The following TRPM1 variants were observed in gnomAD, a reference collection of about 807,000 sequenced individuals.
The protein encoded by TRPM1 is TRPM1-203 APA Isoform, Intron 10.
Under a neutral mutation model 149.4 loss-of-function variants are expected in TRPM1, and 113 were observed. The ratio of observed to expected loss-of-function variants is 0.76; its 90% confidence interval spans 0.65 to 0.88. The LOEUF is 0.88. Among genes scored for constraint, TRPM1 ranks in the 40% least tolerant of loss-of-function variants. TRPM1 has a pLI of 0.00. For synonymous variants in TRPM1, 741 were observed against 759.5 expected (o/e 0.98, Z 0.40); for missense variants, 1,976 against 2,038.7 (o/e 0.97, Z 0.59).
At chr15:31,050,318 C>G (rs938275826) in intron 12 of TRPM1, 91 bp downstream of exon 12, 2 of 1,587,790 alleles carry the variant, frequency 1.3e-6, no homozygotes, top group Non-Finnish European at 1.7e-6. Flanking sequence ...GGGATCAGGG[C>G]CCTGGGTGGG....
At chr15:31,087,856 G>C (rs931039812) in intron 1 of TRPM1, among the ~76,000 whole-genome samples, 1 of 152,218 alleles carries the variant, frequency 6.6e-6, no homozygotes, top group Non-Finnish European at 1.5e-5. Context: ...GAGCTGGTGG[G>C]AGGGAGGAAT....
intron 1 of TRPM1, among the ~76,000 whole-genome samples, chr15:31,090,280 C>T (rs565669875): frequency 1.3e-5 from 2 of 152,210 alleles, no homozygotes; most frequent in East Asian, 1.9e-4. Context: ...TGGTGTTCTC[C>T]GGTGTGGCTG....
intron 27 of TRPM1, among the ~76,000 whole-genome samples, chr15:31,022,196 G>A (rs1039608203): frequency 2.0e-5 from 3 of 152,208 alleles, no homozygotes; most frequent in Non-Finnish European, 4.4e-5. Flanking sequence ...GAACCACAAA[G>A]AGAACAGTGT....
chr15:31,153,626 AT>A (rs2036331427), intron 1 of TRPM1, among the ~76,000 whole-genome samples: 22 of 152,082 alleles, frequency 1.4e-4, no homozygotes, highest in Admixed American at 1.4e-3. Flanking sequence ...GTCTGGCCAG[AT>A]TCCAGGTCTT....
At chr15:31,087,305 T>C (rs375387308) in intron 1 of TRPM1, among the ~76,000 whole-genome samples, 4 of 129,530 alleles carry the variant, frequency 3.1e-5, no homozygotes, top group Non-Finnish European at 6.2e-5. Context: ...AGTGCAGTGG[T>C]GCAATCTTGG....
At position 31,027,632 on chromosome 15, in the gene TRPM1, G is replaced by A. The variant is rs192073110; in HGVS notation, c.3294-515C>T. ...TGATTTCATTGTCTACCAATACTGG[G>A]ACCTTAGGAAAACCAGTTACCTTCC... On this transcript the variant is annotated intron_variant, in intron 25 of 27. Transcript: ENST00000256552. Among the ~76,000 whole-genome samples, 3 of 152,244 alleles carry A rather than the reference G, an allele frequency of 2.0e-5. No homozygotes were observed. The East Asian group carries it at 5.8e-4, about 29-fold the overall frequency.
At chr15:31,018,356 A>T (rs2032444084) in intron 27 of TRPM1, among the ~76,000 whole-genome samples, 1 of 146,750 alleles carries the variant, frequency 6.8e-6, no homozygotes, top group African/African-American at 2.5e-5. Flanking sequence ...TGGCCTTTTA[A>T]ATTTTAAATT....
chr15:31,070,450 G>T (rs1312801556), intron 3 of TRPM1: 1 of 703,248 alleles, frequency 1.4e-6, no homozygotes, highest in South Asian at 1.5e-5. Context: ...CACATTGGAT[G>T]GTTGCTCTTT....
rs570704543 is a variant in TRPM1, at chr15:31,076,888, C to T, written c.83+17G>A. On this transcript the variant is annotated intron_variant, in intron 3 of 27. Coordinates refer to ENST00000256552, the MANE Select transcript of TRPM1 (RefSeq NM_001252024.2). Reference sequence around the variant, plus strand: ...GCACTGGTTTGGATAATGTCTTAATCGTGGATTTCAATTTACCTGTTAGAG... The same window carrying T: ...GCACTGGTTTGGATAATGTCTTAATTGTGGATTTCAATTTACCTGTTAGAG... 9.0e-6 allele frequency: 14 copies of T among 1,552,020 alleles called. No homozygotes were observed. The highest frequency in any genetic ancestry group is 4.5e-5 in the East Asian group (2 of 44,494).
At chr15:31,056,617 T>C (rs2034094082) in intron 11 of TRPM1, among the ~76,000 whole-genome samples, 1 of 152,218 alleles carries the variant, frequency 6.6e-6, no homozygotes, top group Non-Finnish European at 1.5e-5. Flanking sequence ...GAATCCCCAG[T>C]GCAACAGTGC....
Position 31,161,127 on chromosome 15 carries a change from CGAGGCCGGCCG to C in TRPM1, c.-179_-169del, listed in dbSNP as rs2036441348. On this transcript the variant is annotated 5_prime_UTR_variant, in exon 1 of 27. Transcript: ENST00000542188. Reference sequence around the variant, plus strand: ...GGGCGAGGGGGCCGAGATCCTGGGGCGAGGCCGGCCGGAGGCTGGTTCAGCCTAGGAGGAGC... The same window carrying C: ...GGGCGAGGGGGCCGAGATCCTGGGGCGAGGCTGGTTCAGCCTAGGAGGAGC... 10 of 652,908 alleles carry C rather than the reference CGAGGCCGGCCG, an allele frequency of 1.5e-5. No individual in the cohort carries two copies. The South Asian group carries it at 1.9e-4, about 13-fold the overall frequency. The allele number at this position is 652,908 out of a possible 1,614,324, so 40.4% of individuals were successfully genotyped here. A position where few individuals can be genotyped will look rare whatever the true frequency, so the allele number is the denominator to read the frequency against.
chr15:31,144,767 G>A (rs1442280370), intron 1 of TRPM1, among the ~76,000 whole-genome samples: 1 of 147,458 alleles, frequency 6.8e-6, no homozygotes, highest in Non-Finnish European at 1.5e-5. Context: ...CCAGGCTGGA[G>A]TGCAGTGGCA....
At chr15:31,113,391 G>A (rs1227183719) in intron 1 of TRPM1, among the ~76,000 whole-genome samples, 3 of 151,732 alleles carry the variant, frequency 2.0e-5, no homozygotes, top group South Asian at 2.1e-4. Flanking sequence ...GTTCTCCAAA[G>A]GGTCACCTAT....
chr15:31,002,196 A>G lies in TRPM1; in HGVS notation c.4504T>C (p.Ser1502Pro). Residue 1502 changes from serine to proline, a missense_variant, in exon 28 of 28, where the codon TCT becomes CCT. By Grantham distance (74) the Ser-to-Pro change is moderately conservative. This residue lies in a region of TRPM1 where 572 missense variants were observed against 578.9 expected (regional missense o/e 0.99). Coordinates refer to ENST00000256552, the MANE Select transcript of TRPM1 (RefSeq NM_001252024.2). Reference sequence around the variant, plus strand: ...ATGTAAGGAATATCTGTGCTATGAGAGCGCGTGATCTTTTGAACTTGGCAT... The same window carrying G: ...ATGTAAGGAATATCTGTGCTATGAGGGCGCGTGATCTTTTGAACTTGGCAT... ...WQCQVQKITR[S>P]HSTDIPYIVS... 1 of 1,614,214 alleles carries G rather than the reference A, an allele frequency of 6.2e-7. No homozygotes were observed. Among genetic ancestry groups the G allele is most frequent in the Non-Finnish European group, 8.5e-7 (1 of 1,180,044 alleles).
intron 1 of TRPM1, among the ~76,000 whole-genome samples, chr15:31,125,728 T>TG (rs2035941264): frequency 8.5e-5 from 1 of 11,744 alleles, no homozygotes; most frequent in African/African-American, 4.3e-4. Flanking sequence ...AGACTCCGTC[T>TG]CAAAAAAAAA....
At position 31,026,955 on chromosome 15, in the gene TRPM1, T is replaced by C; in HGVS notation, c.3456A>G (p.Lys1152=). 6.2e-7 allele frequency: 1 copy of C among 1,614,172 alleles called. No homozygotes were observed. Reference sequence around the variant, plus strand: ...GTTCCTCTTGGTCCCCTTCTCTCTTTTTCCTGCAGCGGCCGCTGAGACGCA... The same window carrying C: ...GTTCCTCTTGGTCCCCTTCTCTCTTCTTCCTGCAGCGGCCGCTGAGACGCA... ...IIMRLSGRCR[K]KREGDQEERD... Residue 1152 remains lysine, a synonymous_variant, in exon 26 of 28, where the codon AAA becomes AAG. Coordinates refer to ENST00000256552, the MANE Select transcript of TRPM1 (RefSeq NM_001252024.2).
At chr15:31,047,351 G>A (rs2033805845) in intron 14 of TRPM1, 100 bp from the exon 15 acceptor site, 2 of 1,349,400 alleles carry the variant, frequency 1.5e-6, no homozygotes, top group Non-Finnish European at 2.1e-6. Flanking sequence ...CCCCCACTTG[G>A]GAGTTCATGT....
chr15:31,024,670 G>C (rs967577515), intron 27 of TRPM1, among the ~76,000 whole-genome samples: 34 of 152,274 alleles, frequency 2.2e-4, no homozygotes, highest in Admixed American at 8.5e-4. Context: ...GGAAGGGAGA[G>C]GGGGAGGCAG....
chr15:31,113,522 CAAA>C (rs1226461056), intron 1 of TRPM1, among the ~76,000 whole-genome samples: 3 of 151,696 alleles, frequency 2.0e-5, no homozygotes, highest in African/African-American at 4.9e-5. Context: ...TCCAAACTGT[CAAA>C]AAACATTTTT....
Sources: allele counts gnomAD v4.1 joint callset (sites outside exome capture counted in the v4.1 genomes callset), GRCh38; gene constraint gnomAD v4.1.1; regional missense constraint gnomAD v4.1.1; transcripts MANE v1.5; gene names NCBI Gene and HGNC (gene_info 2026-07-23, HGNC 2026-07-21).